MAGEA12: variants seen among roughly 807,000 people sequenced by gnomAD.
The protein encoded by MAGEA12 is melanoma-associated antigen 12.
For synonymous variants in MAGEA12, 135 were observed against 104.7 expected, an observed-to-expected ratio of 1.29 and a Z score of -1.77; for missense variants, 235 against 240.1, an observed-to-expected ratio of 0.98 and a Z score of 0.14.
chrX:152,736,928 T>C lies in MAGEA12; in HGVS notation c.767T>C (p.Leu256Pro). 8.3e-7 allele frequency: 1 copy of C among 1,212,059 alleles called. No homozygotes were observed. The highest frequency in any genetic ancestry group is 1.1e-6 in the Non-Finnish European group (1 of 895,563). The change falls in exon 3 of 3, where the codon CTG (leucine) becomes CCG (proline). Residue 256 changes from leucine to proline, a missense_variant. Coordinates refer to ENST00000393869, the MANE Select transcript of MAGEA12 (RefSeq NM_001166387.4). ...LTQDLVQENY[L>P]EYRQVPGSDP... is the part of the protein sequence containing the mutation. ...CAAGATTTGGTGCAGGAAAACTACC[T>C]GGAGTACCGGCAGGTCCCCGGCAGT...
At chrX:152,734,976 T>C (rs1345401406) in intron 1 of MAGEA12, among the ~76,000 whole-genome samples, 172 bp from the exon 2 acceptor site, 2 of 112,066 alleles carry the variant, frequency 1.8e-5, no homozygotes, top group Non-Finnish European at 3.8e-5. Context: ...AAAGAGGAGC[T>C]GTCTGCTCAT....
intron 2 of MAGEA12, among the ~76,000 whole-genome samples, chrX:152,735,477 G>A (rs782763510): frequency 6.3e-5 from 7 of 111,964 alleles, no homozygotes; most frequent in African/African-American, 2.3e-4. Flanking sequence ...GCCCTAGCAG[G>A]AGTAGTGGTG....
rs1569406009 is a variant in MAGEA12, at chrX:152,736,733, G to A, written c.572G>A (p.Gly191Asp). The part of the protein sequence containing the change: ...CLGLSYDGLL[G>D]DNQIVPKTGL... ...GGCCTCTCCTACGATGGCCTGCTGG[G>A]CGACAATCAGATCGTGCCCAAGACA... Residue 191 changes from glycine to aspartate, a missense_variant, in exon 3 of 3, where the codon GGC becomes GAC. Gly to Asp is a moderately conservative substitution (Grantham distance 94). Coordinates refer to ENST00000393869, the MANE Select transcript of MAGEA12 (RefSeq NM_001166387.4). The A allele has an allele frequency of 1.7e-6, 2 of 1,211,957 alleles. No homozygotes were observed. Among genetic ancestry groups the A allele is most frequent in the Non-Finnish European group, 2.2e-6 (2 of 895,615 alleles).
In MAGEA12 at chrX:152,736,858, G is replaced by A; in HGVS notation, c.697G>A (p.Gly233Arg). Residue 233 changes from glycine to arginine, a missense_variant, in exon 3 of 3, where the codon GGG becomes AGG. Transcript: ENST00000393869. ...GCTGAGTGTGTTGGAGGCATCTGAT[G>A]GGAGGGAGGACAGTGTCTTTGCGCA... is the stretch of plus-strand genomic sequence containing the variant. ...EELSVLEASD[G>R]REDSVFAHPR... is the part of the protein sequence containing the mutation. The A allele has an allele frequency of 8.3e-7, 1 of 1,212,076 alleles. No individual in the cohort carries two copies. Among genetic ancestry groups the A allele is most frequent in the Non-Finnish European group, 1.1e-6 (1 of 895,598 alleles).
chrX:152,737,272 A>G lies in MAGEA12; in HGVS notation c.*166A>G. ...TAGTAGTGAGTTTCTGTTCTATTGG[A>G]TGACTTTGAGATTTATCTTTGTTTC... is the stretch of plus-strand genomic sequence containing the variant. On this transcript the variant is annotated 3_prime_UTR_variant, in exon 3 of 3. Transcript: ENST00000393869. 1.7e-6 allele frequency: 1 copy of G among 582,240 alleles called. No individual in the cohort carries two copies. Among genetic ancestry groups the G allele is most frequent in the Non-Finnish European group, 3.0e-6 (1 of 338,673 alleles). 48.0% of individuals were successfully genotyped at this position (582,240 alleles called of 1,213,427 possible).
intron 1 of MAGEA12, among the ~76,000 whole-genome samples, chrX:152,734,558 G>A (rs1556226799): frequency 1.8e-5 from 2 of 111,841 alleles, no homozygotes; most frequent in African/African-American, 3.3e-5. Flanking sequence ...TCAGCAGGGA[G>A]TTGGAGCCCA....
At position 152,736,230 on chromosome X, in the gene MAGEA12, G is replaced by C; in HGVS notation, c.69G>C (p.Leu23=). ...EEGLEAQGEA[L]GLVGAQAPAT... ...GCCTTGAGGCCCAAGGAGAGGCCCT[G>C]GGCTTGGTGGGTGCGCAGGCTCCTG... The change falls in exon 3 of 3, where the codon CTG becomes CTC. Residue 23 remains leucine, a synonymous_variant. Transcript: ENST00000393869. 1 of 1,211,723 alleles carries C rather than the reference G, an allele frequency of 8.3e-7. No homozygotes were observed. Among genetic ancestry groups the C allele is most frequent in the Non-Finnish European group, 1.1e-6 (1 of 895,494 alleles).
In MAGEA12 at chrX:152,737,110, T is replaced by G. The variant is rs782115376; in HGVS notation, c.*4T>G. 90 of 1,205,835 alleles carry G rather than the reference T, an allele frequency of 7.5e-5. No individual in the cohort carries two copies. Among genetic ancestry groups the G allele is most frequent in the Non-Finnish European group, 9.8e-5 (87 of 891,889 alleles). On this transcript the variant is annotated 3_prime_UTR_variant, in exon 3 of 3. Coordinates refer to ENST00000393869, the MANE Select transcript of MAGEA12 (RefSeq NM_001166387.4). ...TTTTAGAGAGGGGGAAGAGTGAGTC[T>G]GAGCACGAGTTGCAGCCAGGGCCAG...
chrX:152,736,071 T>A lies in MAGEA12; in HGVS notation c.-75-16T>A. On this transcript the variant is annotated splice_polypyrimidine_tract_variant and intron_variant, in intron 2 of 2. Transcript: ENST00000393869. ...GCCGGCTGTACCCTGAGGCGCCCTCTCACTTGTTCCTTCAGGTTCTGAGGA... is the reference window on the plus strand; with the variant it reads ...GCCGGCTGTACCCTGAGGCGCCCTCACACTTGTTCCTTCAGGTTCTGAGGA... 4.0e-6 allele frequency: 4 copies of A among 1,001,179 alleles called. No homozygotes were observed. The Admixed American group carries it at 1.2e-4, about 29-fold the overall frequency. The allele number at this position is 1,001,179 out of a possible 1,213,427, so 82.5% of individuals were successfully genotyped here. A position where few individuals can be genotyped will look rare whatever the true frequency, so the allele number is the denominator to read the frequency against.
Position 152,736,318 on chromosome X carries a change from G to C in MAGEA12, c.157G>C (p.Val53Leu). Residue 53 changes from valine (V) to leucine (L), a missense_variant, in exon 3 of 3, where the codon GTG becomes CTG. Physicochemically the swap from Val to Leu is conservative, Grantham distance 32. Coordinates refer to ENST00000393869, the MANE Select transcript of MAGEA12 (RefSeq NM_001166387.4). Reference sequence around the variant, plus strand: ...TCTAGTGGAAGTCACCCTGCGGGAGGTGCCTGCTGCCGAGTCACCAAGTCC... The same window carrying C: ...TCTAGTGGAAGTCACCCTGCGGGAGCTGCCTGCTGCCGAGTCACCAAGTCC... ...STLVEVTLRE[V>L]PAAESPSPPH... 1 of 1,211,347 alleles carries C rather than the reference G, an allele frequency of 8.3e-7. No homozygotes were observed. Among genetic ancestry groups the C allele is most frequent in the Non-Finnish European group, 1.1e-6 (1 of 895,352 alleles).
In MAGEA12 at chrX:152,737,260, C is replaced by T. The variant is rs1331188132; in HGVS notation, c.*154C>T. ...AGTCAGTATTGTTAGTAGTGAGTTT[C>T]TGTTCTATTGGATGACTTTGAGATT... is the stretch of plus-strand genomic sequence containing the variant. On this transcript the variant is annotated 3_prime_UTR_variant, in exon 3 of 3. Coordinates refer to ENST00000393869, the MANE Select transcript of MAGEA12 (RefSeq NM_001166387.4). The T allele has an allele frequency of 1.7e-6, 1 of 603,346 alleles. No individual in the cohort carries two copies. Among genetic ancestry groups the T allele is most frequent in the Non-Finnish European group, 2.8e-6 (1 of 357,386 alleles). 49.7% of individuals were successfully genotyped at this position (603,346 alleles called of 1,213,427 possible). A position where few individuals can be genotyped will look rare whatever the true frequency, so the allele number is the denominator to read the frequency against.
chrX:152,734,146 C>A (rs1475374366), intron 1 of MAGEA12: 1 of 103,201 alleles, frequency 9.7e-6, no homozygotes, highest in Non-Finnish European at 2.0e-5. Flanking sequence ...CCCCCCGCAC[C>A]CCCACCACCA....
chrX:152,736,258 A>G lies in MAGEA12; in HGVS notation c.97A>G (p.Thr33Ala), dbSNP rs782597438. The part of the protein sequence containing the change: ...LGLVGAQAPA[T>A]EEQETASSSS... ...CTTGGTGGGTGCGCAGGCTCCTGCT[A>G]CTGAGGAGCAGGAGACTGCCTCCTC... Residue 33 changes from threonine (T) to alanine (A), a missense_variant, in exon 3 of 3, where the codon ACT (threonine) becomes GCT (alanine). Transcript: ENST00000393869. 1 of 1,211,343 alleles carries G rather than the reference A, an allele frequency of 8.3e-7. No individual in the cohort carries two copies. Among genetic ancestry groups the G allele is most frequent in the Admixed American group, 2.2e-5 (1 of 46,075 alleles).
Position 152,737,192 on chromosome X carries a change from C to A in MAGEA12, c.*86C>A, listed in dbSNP as rs1457956760. On this transcript the variant is annotated 3_prime_UTR_variant, in exon 3 of 3. Coordinates refer to ENST00000393869, the MANE Select transcript of MAGEA12 (RefSeq NM_001166387.4). ...AGGCCCCATCCATTAGTTTCCACTG[C>A]CTCGTGTGACATGAGGCCCATTCTT... is the stretch of plus-strand genomic sequence containing the variant. 30 of 933,291 alleles carry A rather than the reference C, an allele frequency of 3.2e-5. No individual in the cohort carries two copies. Among genetic ancestry groups the A allele is most frequent in the Non-Finnish European group, 3.8e-5 (25 of 653,664 alleles). The allele number at this position is 933,291 out of a possible 1,213,427, so 76.9% of individuals were successfully genotyped here.
chrX:152,736,751 C>T lies in MAGEA12; in HGVS notation c.590C>T (p.Pro197Leu), dbSNP rs1556225759. The stretch of plus-strand genomic sequence containing the variant: ...CTGCTGGGCGACAATCAGATCGTGC[C>T]CAAGACAGGCCTCCTGATAATCGTC... ...DGLLGDNQIV[P>L]KTGLLIIVLA... The change falls in exon 3 of 3, where the codon CCC becomes CTC. Residue 197 changes from proline (P) to leucine (L), a missense_variant. Transcript: ENST00000393869. The T allele has an allele frequency of 8.3e-7, 1 of 1,211,703 alleles. No individual in the cohort carries two copies. Among genetic ancestry groups the T allele is most frequent in the Non-Finnish European group, 1.1e-6 (1 of 895,546 alleles).
In MAGEA12 at chrX:152,736,756, A is replaced by G. The variant is rs1365083658; in HGVS notation, c.595A>G (p.Thr199Ala). The G allele has an allele frequency of 8.3e-7, 1 of 1,211,841 alleles. No individual in the cohort carries two copies. Among genetic ancestry groups the G allele is most frequent in the Non-Finnish European group, 1.1e-6 (1 of 895,551 alleles). Reference sequence around the variant, plus strand: ...GGGCGACAATCAGATCGTGCCCAAGACAGGCCTCCTGATAATCGTCCTGGC... The same window carrying G: ...GGGCGACAATCAGATCGTGCCCAAGGCAGGCCTCCTGATAATCGTCCTGGC... Reference protein sequence around the residue: ...LLGDNQIVPKTGLLIIVLAII... With the variant: ...LLGDNQIVPKAGLLIIVLAII... The change falls in exon 3 of 3, where the codon ACA becomes GCA. Residue 199 changes from threonine (T) to alanine (A), a missense_variant. Physicochemically the swap from Thr to Ala is moderately conservative, Grantham distance 58 (BLOSUM62 0). Transcript: ENST00000393869.
rs146806762 is a variant in MAGEA12 at position 152,736,673 on chromosome X, G to C, written c.512G>C (p.Arg171Pro). ...VFGIEVVEVV[R>P]IGHLYILVTC... ...GGCATCGAGGTGGTGGAAGTGGTCCGCATCGGCCACTTGTACATCCTTGTC... is the reference window on the plus strand; with the variant it reads ...GGCATCGAGGTGGTGGAAGTGGTCCCCATCGGCCACTTGTACATCCTTGTC... Residue 171 changes from arginine (R) to proline (P), a missense_variant, in exon 3 of 3, where the codon CGC becomes CCC. Coordinates refer to ENST00000393869, the MANE Select transcript of MAGEA12 (RefSeq NM_001166387.4). The C allele has an allele frequency of 4.5e-5, 55 of 1,210,161 alleles. No individual in the cohort carries two copies. Among genetic ancestry groups the C allele is most frequent in the South Asian group, 2.1e-4 (12 of 56,805 alleles).
chrX:152,736,133 TC>T lies in MAGEA12; in HGVS notation c.-27del. On this transcript the variant is annotated 5_prime_UTR_variant, in exon 3 of 3. Coordinates refer to ENST00000393869, the MANE Select transcript of MAGEA12 (RefSeq NM_001166387.4). ...GAGCAGCACTAGCTCCTGCCCACAC[TC>T]CTACCTGCTGCCCTGACCAGAGTCA... The T allele has an allele frequency of 8.3e-7, 1 of 1,200,500 alleles. No individual in the cohort carries two copies. The highest frequency in any genetic ancestry group is 1.8e-5 in the South Asian group (1 of 55,511).
chrX:152,736,370 C>A lies in MAGEA12; in HGVS notation c.209C>A (p.Thr70Asn). ...SPPHSPQGAS[T>N]LPTTINYTLW... ...CCCCACAGTCCTCAGGGAGCCTCCA[C>A]CCTCCCCACTACCATCAACTATACT... The change falls in exon 3 of 3, where the codon ACC (threonine) becomes AAC (asparagine). Residue 70 changes from threonine (T) to asparagine (N), a missense_variant. By Grantham distance (65) the Thr-to-Asn change is moderately conservative. Transcript: ENST00000393869. The A allele has an allele frequency of 8.3e-7, 1 of 1,211,437 alleles. No homozygotes were observed. Among genetic ancestry groups the A allele is most frequent in the Non-Finnish European group, 1.1e-6 (1 of 895,257 alleles).
Sources: allele counts gnomAD v4.1 joint callset (sites outside exome capture counted in the v4.1 genomes callset), GRCh38; gene constraint gnomAD v4.1.1; transcripts MANE v1.5; gene names NCBI Gene and HGNC (gene_info 2026-07-23, HGNC 2026-07-21).